The following NRG3 variants were observed in gnomAD, a reference collection of about 807,000 sequenced individuals.
NRG3 encodes pro-neuregulin-3, membrane-bound isoform.
In NRG3, 31 loss-of-function variants were observed where a neutral mutation model predicts 66.9. The observed-to-expected ratio is 0.46, with a 90% CI of 0.35 to 0.63. NRG3 has a LOEUF of 0.63. NRG3 is among the 20% of genes least tolerant of loss of function. NRG3 has a pLI of 0.00. For synonymous variants in NRG3, 393 were observed against 359.4 expected (o/e 1.09, Z -1.06); for missense variants, 910 against 878.9 (o/e 1.04, Z -0.45).
intron 1 of NRG3, among the ~76,000 whole-genome samples, chr10:82,241,277 C>T (rs2077000003): frequency 1.3e-5 from 2 of 152,070 alleles, no homozygotes; most frequent in South Asian, 4.1e-4. Context: ...GGAGAGTTTG[C>T]CACACAGAAG....
chr10:82,361,854 A>G (rs574618196), intron 2 of NRG3, among the ~76,000 whole-genome samples: 7 of 152,148 alleles, frequency 4.6e-5, no homozygotes, highest in South Asian at 4.1e-4. Flanking sequence ...GGCTTATTCA[A>G]TAGTTTATTT....
rs573694032 is a variant in NRG3 at position 81,983,911 on chromosome 10, C to T, written c.823+107748C>T. 6.6e-5 allele frequency among the ~76,000 whole-genome samples: 10 copies of T among 152,148 alleles called. No individual in the cohort carries two copies. The South Asian group carries it at 1.2e-3, about 19-fold the overall frequency. On this transcript the variant is annotated intron_variant, in intron 1 of 8. Transcript: ENST00000372141. ...AATATGTGATTAAGGATCTTGATAT[C>T]GGGAGATTATCCTGGATCATCCTGG...
chr10:82,641,227 A>G (rs2133812772), intron 2 of NRG3, among the ~76,000 whole-genome samples: 1 of 152,262 alleles, frequency 6.6e-6, no homozygotes, highest in East Asian at 1.9e-4. Context: ...AATTGTTGCT[A>G]ATCACTAAAC....
In NRG3 at chr10:82,603,461, T is replaced by G. The variant is rs568713266; in HGVS notation, c.954-135116T>G. On this transcript the variant is annotated intron_variant, in intron 2 of 8. Coordinates refer to ENST00000372141, the MANE Select transcript of NRG3 (RefSeq NM_001010848.4). ...TGAATATCACTTAAGCTTTCTTTTA[T>G]GGACTAGGAAACAATTGAGCGGAAA... is the stretch of plus-strand genomic sequence containing the variant. Among the ~76,000 whole-genome samples, 27 of 152,322 alleles carry G rather than the reference T, an allele frequency of 1.8e-4. No homozygotes were observed. The South Asian group carries it at 5.4e-3, about 30-fold the overall frequency.
intron 1 of NRG3, among the ~76,000 whole-genome samples, chr10:82,324,604 T>G (rs1209442162): frequency 2.0e-5 from 3 of 152,214 alleles, no homozygotes; most frequent in Admixed American, 6.5e-5. Flanking sequence ...CCTACAAATA[T>G]TGATATGCTC....
chr10:82,406,749 A>T (rs2087549454), intron 2 of NRG3, among the ~76,000 whole-genome samples: 1 of 152,134 alleles, frequency 6.6e-6, no homozygotes, highest in Non-Finnish European at 1.5e-5. Flanking sequence ...GTACATAAAA[A>T]TTGTCTAATC....
rs140636063 is a variant in NRG3 at position 82,907,866 on chromosome 10, C to A, written c.1054+42429C>A. Among the ~76,000 whole-genome samples, 287 of 151,932 alleles carry A rather than the reference C, an allele frequency of 1.9e-3. 1 individual carries two copies. The highest frequency in any genetic ancestry group is 6.8e-3 in the African/African-American group (280 of 41,448). On this transcript the variant is annotated intron_variant, in intron 4 of 8. Coordinates refer to ENST00000372141, the MANE Select transcript of NRG3 (RefSeq NM_001010848.4). The stretch of plus-strand genomic sequence containing the variant: ...AGCAAATGTGTGAAAATTATGAAAC[C>A]ATTTAAATATATATTGATCAAAGCA...
At chr10:82,409,600 G>GA (rs1464754901) in intron 2 of NRG3, among the ~76,000 whole-genome samples, 2 of 152,104 alleles carry the variant, frequency 1.3e-5, no homozygotes, top group Non-Finnish European at 2.9e-5. Flanking sequence ...CTCATTGTCA[G>GA]AAAAAACAAC....
chr10:81,974,193 G>C (rs1165843262), intron 1 of NRG3, among the ~76,000 whole-genome samples: 1 of 152,026 alleles, frequency 6.6e-6, no homozygotes, highest in Non-Finnish European at 1.5e-5. Context: ...GTTTTTGTCA[G>C]GTTTATTGAA....
At chr10:82,129,085 C>T (rs957429991) in intron 1 of NRG3, among the ~76,000 whole-genome samples, 2 of 151,866 alleles carry the variant, frequency 1.3e-5, no homozygotes, top group African/African-American at 4.8e-5. Context: ...GCTAATTTTT[C>T]TATTTTTAGG....
intron 1 of NRG3, among the ~76,000 whole-genome samples, chr10:82,078,620 G>A (rs1189120183): frequency 6.6e-6 from 1 of 152,180 alleles, no homozygotes; most frequent in Non-Finnish European, 1.5e-5. Flanking sequence ...AAAGTGCTGG[G>A]ATTACAGGTA....
intron 2 of NRG3, among the ~76,000 whole-genome samples, chr10:82,665,969 C>A (rs945010826): frequency 4.6e-5 from 7 of 152,180 alleles, no homozygotes; most frequent in Admixed American, 4.6e-4. Flanking sequence ...TCAAGCGATT[C>A]TCCTGCCTCA....
intron 1 of NRG3, among the ~76,000 whole-genome samples, chr10:82,236,342 G>T (rs57159124): frequency 1.3e-5 from 2 of 151,962 alleles, no homozygotes; most frequent in Non-Finnish European, 2.9e-5. Flanking sequence ...CAAGGCCTGC[G>T]ACTTCCACTC....
intron 2 of NRG3, among the ~76,000 whole-genome samples, chr10:82,360,238 A>T (rs1309697915): frequency 6.6e-6 from 1 of 152,172 alleles, no homozygotes; most frequent in South Asian, 2.1e-4. Context: ...GTGACTGTGC[A>T]TGTATGGATA....
chr10:81,910,549 A>G (rs1355485492), intron 1 of NRG3, among the ~76,000 whole-genome samples: 1 of 152,196 alleles, frequency 6.6e-6, no homozygotes, highest in Admixed American at 6.5e-5. Flanking sequence ...TTCTTAGACC[A>G]AAATAGAAAT....
At chr10:82,447,537 G>C (rs1272271905) in intron 2 of NRG3, among the ~76,000 whole-genome samples, 2 of 152,208 alleles carry the variant, frequency 1.3e-5, no homozygotes. Context: ...TTCTAAGTCA[G>C]TATGCTTCCT....
intron 3 of NRG3, among the ~76,000 whole-genome samples, chr10:82,811,405 T>C (rs1293441125): frequency 6.6e-6 from 1 of 152,188 alleles, no homozygotes; most frequent in Non-Finnish European, 1.5e-5. Flanking sequence ...AAGGGAGGCT[T>C]GTGGCGACCT....
chr10:82,701,306 G>C (rs1361172291), intron 2 of NRG3, among the ~76,000 whole-genome samples: 4 of 152,038 alleles, frequency 2.6e-5, no homozygotes, highest in African/African-American at 9.7e-5. Context: ...AGCTAGTGAG[G>C]TTAATGACTA....
At chr10:82,533,677 G>A (rs1847526638) in intron 2 of NRG3, among the ~76,000 whole-genome samples, 1 of 152,024 alleles carries the variant, frequency 6.6e-6, no homozygotes, top group Non-Finnish European at 1.5e-5. Context: ...TCTATGATCA[G>A]GACCAAAGTA....
Sources: allele counts gnomAD v4.1 joint callset (sites outside exome capture counted in the v4.1 genomes callset), GRCh38; gene constraint gnomAD v4.1.1; transcripts MANE v1.5; gene names NCBI Gene and HGNC (gene_info 2026-07-23, HGNC 2026-07-21).